A1CF: variants seen among roughly 807,000 people sequenced by gnomAD.
A1CF encodes APOBEC1 complementation factor.
A1CF carries 48 observed loss-of-function variants against 68.9 expected under a neutral mutation model. That is an observed-to-expected ratio of 0.70 (90% CI 0.55 to 0.89). A1CF has a LOEUF of 0.89. Ranked by LOEUF, A1CF falls within the 40% of genes least tolerant of loss-of-function variation. The pLI is 0.00. For synonymous variants in A1CF, 272 were observed against 260.4 expected (o/e 1.04, Z -0.43); for missense variants, 653 against 718.9 (o/e 0.91, Z 1.05).
chr10:50,850,055 GC>G (rs1264231886), intron 3 of A1CF, among the ~76,000 whole-genome samples: 3 of 152,068 alleles, frequency 2.0e-5, no homozygotes, highest in Non-Finnish European at 4.4e-5. Flanking sequence ...TGTATCTATG[GC>G]AAAAATCATG....
At chr10:50,841,319 G>A (rs1008742422) in intron 5 of A1CF, among the ~76,000 whole-genome samples, 7 of 151,970 alleles carry the variant, frequency 4.6e-5, no homozygotes, top group Admixed American at 6.6e-5. Flanking sequence ...AACATATCAC[G>A]CTTGTTTTCA....
chr10:50,853,715 G>C (rs1426237357), intron 3 of A1CF, among the ~76,000 whole-genome samples: 4 of 149,764 alleles, frequency 2.7e-5, no homozygotes, highest in African/African-American at 2.5e-5. Flanking sequence ...TTCTAATATA[G>C]AGCAGTAGGC....
At chr10:50,836,358 T>C in intron 5 of A1CF, 46 bp from the exon 6 acceptor site, 3 of 1,577,066 alleles carry the variant, frequency 1.9e-6, no homozygotes, top group Non-Finnish European at 2.6e-6. Flanking sequence ...CCTTGTAGGA[T>C]TCAGGTTGAA....
intron 6 of A1CF, among the ~76,000 whole-genome samples, chr10:50,833,226 C>G (rs561022135): frequency 1.3e-5 from 2 of 152,258 alleles, no homozygotes; most frequent in Middle Eastern, 3.4e-3. Context: ...TTCAAATGTG[C>G]AGTCCTGGGA....
intron 3 of A1CF, among the ~76,000 whole-genome samples, chr10:50,858,367 T>A (rs1003304725): frequency 6.6e-6 from 1 of 152,122 alleles, no homozygotes; most frequent in Non-Finnish European, 1.5e-5. Flanking sequence ...TGATAATTTA[T>A]ATTGTTTTAG....
Position 50,828,360 on chromosome 10 carries a change from T to C in A1CF, c.605-65A>G, listed in dbSNP as rs1044767739. On this transcript the variant is annotated intron_variant, in intron 6 of 12. Transcript: ENST00000373997. ...ATCAGGACAACATCATCTCAATTTA[T>C]ACCAATGGTCTTTTAAATTGACCTG... The C allele has an allele frequency of 3.0e-6, 4 of 1,313,606 alleles. No homozygotes were observed. In the Admixed American group the frequency reaches 9.4e-5, roughly 31 times the overall value. The allele number at this position is 1,313,606 out of a possible 1,614,324, so 81.4% of individuals were successfully genotyped here. A position where few individuals can be genotyped will look rare whatever the true frequency, so the allele number is the denominator to read the frequency against.
At chr10:50,858,152 T>A (rs1840574114) in intron 3 of A1CF, among the ~76,000 whole-genome samples, 1 of 152,068 alleles carries the variant, frequency 6.6e-6, no homozygotes, top group South Asian at 2.1e-4. Flanking sequence ...GAAAGGGAAA[T>A]AACTGCAACT....
At chr10:50,816,547 G>A (rs1838381521) in intron 8 of A1CF, 2 of 381,064 alleles carry the variant, frequency 5.2e-6, no homozygotes, top group Middle Eastern at 7.0e-4. Flanking sequence ...TTACAATCTG[G>A]TTACAGTCAC....
At chr10:50,876,447 A>T (rs1841516361) in intron 1 of A1CF, among the ~76,000 whole-genome samples, 1 of 152,202 alleles carries the variant, frequency 6.6e-6, no homozygotes, top group Non-Finnish European at 1.5e-5. Flanking sequence ...TAGGTTTTTA[A>T]CCCCAAAAAG....
In A1CF at chr10:50,859,834, G is replaced by A. The variant is rs538630131; in HGVS notation, c.99+8C>T. The A allele has an allele frequency of 1.4e-5, 22 of 1,612,448 alleles. No individual in the cohort carries two copies. Among genetic ancestry groups the A allele is most frequent in the Non-Finnish European group, 1.4e-5 (16 of 1,179,002 alleles). Reference sequence around the variant, plus strand: ...TGGTGAGTCTCAGCAGATTTCACAAGTTCCTACCTGGACCAAGCTATATCC... The same window carrying A: ...TGGTGAGTCTCAGCAGATTTCACAAATTCCTACCTGGACCAAGCTATATCC... On this transcript the variant is annotated splice_region_variant and intron_variant, in intron 3 of 12. Coordinates refer to ENST00000373997, the MANE Select transcript of A1CF (RefSeq NM_014576.4).
intron 1 of A1CF, among the ~76,000 whole-genome samples, chr10:50,870,789 C>A (rs1841229162): frequency 6.6e-6 from 1 of 151,518 alleles, no homozygotes; most frequent in South Asian, 2.1e-4. Context: ...CTCATCATAT[C>A]TGATAGAGAA....
chr10:50,873,269 A>G (rs1841360039), intron 1 of A1CF, among the ~76,000 whole-genome samples: 2 of 152,034 alleles, frequency 1.3e-5, no homozygotes, highest in African/African-American at 2.4e-5. Context: ...TAAATTCTTT[A>G]AAGTGTTGAT....
intron 10 of A1CF, among the ~76,000 whole-genome samples, chr10:50,811,753 T>C (rs1838123768): frequency 2.0e-5 from 3 of 152,220 alleles, no homozygotes; most frequent in African/African-American, 7.2e-5. Flanking sequence ...CTTTTTTGTT[T>C]GTTTGTTTGT....
intron 4 of A1CF, among the ~76,000 whole-genome samples, chr10:50,843,687 G>A (rs1277529729): frequency 6.6e-6 from 1 of 152,114 alleles, no homozygotes; most frequent in East Asian, 1.9e-4. Context: ...GTTATTGTAG[G>A]GTTATTGTTG....
chr10:50,846,499 T>C (rs1228538953), intron 3 of A1CF, among the ~76,000 whole-genome samples: 1 of 152,174 alleles, frequency 6.6e-6, no homozygotes, highest in Non-Finnish European at 1.5e-5. Flanking sequence ...ATTCAACAGA[T>C]TATAAGTTTA....
intron 5 of A1CF, among the ~76,000 whole-genome samples, chr10:50,840,610 C>A (rs1006686720): frequency 6.6e-6 from 1 of 152,144 alleles, no homozygotes; most frequent in East Asian, 1.9e-4. Context: ...TTTATCAAAA[C>A]GGGCAATTGG....
intron 1 of A1CF, among the ~76,000 whole-genome samples, chr10:50,868,783 A>C (rs1312134658): frequency 6.6e-6 from 1 of 152,254 alleles, no homozygotes; most frequent in East Asian, 1.9e-4. Context: ...CTGAAATTTC[A>C]GTTCTGTTCT....
At position 50,854,630 on chromosome 10, in the gene A1CF, T is replaced by C. The variant is rs747645339; in HGVS notation, c.99+5212A>G. Among the ~76,000 whole-genome samples the C allele has an allele frequency of 5.9e-5, 9 of 152,094 alleles. No homozygotes were observed. In the South Asian group the frequency reaches 1.9e-3, roughly 32 times the overall value. On this transcript the variant is annotated intron_variant, in intron 3 of 12. Coordinates refer to ENST00000373997, the MANE Select transcript of A1CF (RefSeq NM_014576.4). ...CTCATTTGAGGCTGCCTTATGTTGTTGTAAATTTTAGATACATTCTTTTTC... is the reference window on the plus strand; with the variant it reads ...CTCATTTGAGGCTGCCTTATGTTGTCGTAAATTTTAGATACATTCTTTTTC...
chr10:50,816,890 T>G (rs1400547238), intron 8 of A1CF, among the ~76,000 whole-genome samples: 2 of 152,158 alleles, frequency 1.3e-5, no homozygotes, highest in Non-Finnish European at 2.9e-5. Context: ...GGCTGTTGCA[T>G]TGCCTGCCAC....
Sources: allele counts gnomAD v4.1 joint callset (sites outside exome capture counted in the v4.1 genomes callset), GRCh38; gene constraint gnomAD v4.1.1; transcripts MANE v1.5; gene names NCBI Gene and HGNC (gene_info 2026-07-23, HGNC 2026-07-21).